Variants in GRIP1 observed in about 807,000 individuals in gnomAD.
GRIP1 encodes the protein glutamate receptor interacting protein 1, also known as glutamate receptor-interacting protein 1.
In GRIP1, 45 loss-of-function variants were observed where a neutral mutation model predicts 129.9. That is an observed-to-expected ratio of 0.35 (90% CI 0.27 to 0.44). The LOEUF is 0.44. GRIP1 is among the 20% of genes least tolerant of loss of function. The probability of loss-of-function intolerance (pLI) is 1.00; values close to 1 mark genes in which losing one functional copy is unlikely to be tolerated. For synonymous variants in GRIP1, 530 were observed against 520.8 expected (o/e 1.02, Z -0.24); for missense variants, 1,196 against 1,396.8 (o/e 0.86, Z 2.29).
At chr12:66,743,926 CAAAA>C (rs1342825426) in intron 1 of GRIP1, among the ~76,000 whole-genome samples, 1 of 152,120 alleles carries the variant, frequency 6.6e-6, no homozygotes, top group Non-Finnish European at 1.5e-5. Flanking sequence ...ACCTTCCACT[CAAAA>C]ATACAGATCC....
intron 1 of GRIP1, among the ~76,000 whole-genome samples, chr12:66,994,321 C>T (rs1015559798): frequency 5.3e-5 from 8 of 151,226 alleles, no homozygotes; most frequent in South Asian, 2.1e-4. Context: ...ATCATAGAAA[C>T]GCAAAGTTGA....
At chr12:66,738,581 G>T (rs2036686873) in intron 1 of GRIP1, among the ~76,000 whole-genome samples, 3 of 152,148 alleles carry the variant, frequency 2.0e-5, no homozygotes, top group African/African-American at 2.4e-5. Flanking sequence ...TTTCAAGCAG[G>T]AAAAAGAGGT....
chr12:66,512,006 C>G (rs543228058), intron 7 of GRIP1, among the ~76,000 whole-genome samples: 1 of 152,200 alleles, frequency 6.6e-6, no homozygotes, highest in Non-Finnish European at 1.5e-5. Context: ...TGAGTTCTCA[C>G]AAGATCTGAT....
At chr12:66,503,846 A>G (rs1403616173) in intron 7 of GRIP1, among the ~76,000 whole-genome samples, 2 of 152,154 alleles carry the variant, frequency 1.3e-5, no homozygotes, top group African/African-American at 2.4e-5. Flanking sequence ...TTCCTCCCAA[A>G]TATCTGTTCT....
chr12:66,751,363 G>T (rs2037121723), intron 1 of GRIP1, among the ~76,000 whole-genome samples: 1 of 152,130 alleles, frequency 6.6e-6, no homozygotes, highest in Non-Finnish European at 1.5e-5. Context: ...TCAAAGTACA[G>T]GCAGAAAAGG....
intron 13 of GRIP1, among the ~76,000 whole-genome samples, chr12:66,437,077 T>C (rs1342114625): frequency 1.3e-5 from 2 of 151,478 alleles, no homozygotes; most frequent in African/African-American, 2.4e-5. Flanking sequence ...ATTTATAAAA[T>C]AGAGGAATTT....
chr12:66,871,513 G>A (rs1196780921), intron 1 of GRIP1, among the ~76,000 whole-genome samples: 1 of 152,068 alleles, frequency 6.6e-6, no homozygotes, highest in Non-Finnish European at 1.5e-5. Flanking sequence ...ATAGGGATGT[G>A]TAAGATTATA....
chr12:66,361,885 TG>T (rs34829723), intron 23 of GRIP1, among the ~76,000 whole-genome samples: 1 of 152,074 alleles, frequency 6.6e-6, no homozygotes, highest in Non-Finnish European at 1.5e-5. Flanking sequence ...CAGCTCTGGG[TG>T]GGTGGCACAC....
At position 66,660,498 on chromosome 12, in the gene GRIP1, T is replaced by C. The variant is rs141762040; in HGVS notation, c.55+18352A>G. 9.2e-5 allele frequency among the ~76,000 whole-genome samples: 14 copies of C among 152,252 alleles called. No homozygotes were observed. In the East Asian group the frequency reaches 2.5e-3, roughly 27 times the overall value. On this transcript the variant is annotated intron_variant, in intron 1 of 24. Transcript: ENST00000359742. ...TAATAACAAAGTATCAATTAGTTAT[T>C]ATTAATCAAGGTCTGTTAAACAAGA...
At chr12:66,365,078 CTTTGTACTCCA>C (rs957604269) in intron 23 of GRIP1, among the ~76,000 whole-genome samples, 10 of 152,120 alleles carry the variant, frequency 6.6e-5, no homozygotes, top group African/African-American at 2.2e-4. Context: ...CAAGATATCC[CTTTGTACTCCA>C]TAGATGTATA....
intron 1 of GRIP1, among the ~76,000 whole-genome samples, chr12:66,990,697 A>T (rs191904449): frequency 3.7e-4 from 56 of 152,328 alleles, no homozygotes; most frequent in African/African-American, 1.3e-3. Flanking sequence ...AGGTCTGCTT[A>T]AAGGACAAAC....
Position 66,797,944 on chromosome 12 carries a change from G to A in GRIP1, c.-420+6109C>T, listed in dbSNP as rs148922025. 5.1e-3 allele frequency among the ~76,000 whole-genome samples: 769 copies of A among 152,198 alleles called. 5 individuals carry two copies. The highest frequency in any genetic ancestry group is 0.017 in the Middle Eastern group (5 of 294). On this transcript the variant is annotated intron_variant, in intron 1 of 4. Coordinates refer to the GRIP1 transcript ENST00000538373. ...CAGACAAATCACTAAAGACTAAAACGTGGTAGTTTTCTATAATTGTAACCC... is the reference window on the plus strand; with the variant it reads ...CAGACAAATCACTAAAGACTAAAACATGGTAGTTTTCTATAATTGTAACCC...
At chr12:66,937,379 A>T (rs1039856038) in intron 1 of GRIP1, among the ~76,000 whole-genome samples, 3 of 152,224 alleles carry the variant, frequency 2.0e-5, no homozygotes, top group African/African-American at 7.2e-5. Context: ...CATGAGAGCA[A>T]GGGTCTGTGT....
At chr12:66,355,064 C>T (rs2054415085) in intron 23 of GRIP1, among the ~76,000 whole-genome samples, 1 of 152,204 alleles carries the variant, frequency 6.6e-6, no homozygotes, top group South Asian at 2.1e-4. Context: ...ATGCACCTCT[C>T]GGCCTCACCA....
At chr12:66,871,454 A>G (rs1419379121) in intron 1 of GRIP1, among the ~76,000 whole-genome samples, 1 of 152,104 alleles carries the variant, frequency 6.6e-6, no homozygotes, top group African/African-American at 2.4e-5. Context: ...TTTTATGGGC[A>G]GTTTGTGCCT....
intron 1 of GRIP1, among the ~76,000 whole-genome samples, chr12:66,827,387 T>TGTGTGTGTGTGTGAGAGAGAGAGAGA (rs755458052): frequency 5.8e-4 from 63 of 108,292 alleles, no homozygotes; most frequent in East Asian, 2.9e-3. Context: ...TGTGTGTGTG[T>TGTGTGTGTGTGTGAGAGAGAGAGAGA]GAGAGAGAGA....
intron 2 of GRIP1, among the ~76,000 whole-genome samples, chr12:66,547,163 A>G (rs527496504): frequency 6.6e-6 from 1 of 152,312 alleles, no homozygotes; most frequent in African/African-American, 2.4e-5. Flanking sequence ...ACACGAAAAA[A>G]TGCTCAACAT....
chr12:66,444,492 C>T (rs1158960467), intron 13 of GRIP1, 92 bp downstream of exon 13: 1 of 665,244 alleles, frequency 1.5e-6, no homozygotes, highest in Admixed American at 3.1e-5. Flanking sequence ...GACTCCGTCT[C>T]AAAAAAAAAA....
intron 14 of GRIP1, among the ~76,000 whole-genome samples, chr12:66,430,514 A>C (rs1180290768): frequency 6.6e-6 from 1 of 152,212 alleles, no homozygotes; most frequent in Non-Finnish European, 1.5e-5. Context: ...TAAAACACTC[A>C]TGCAAAACAA....
Sources: allele counts gnomAD v4.1 joint callset (sites outside exome capture counted in the v4.1 genomes callset), GRCh38; gene constraint gnomAD v4.1.1; transcripts MANE v1.5; gene names NCBI Gene and HGNC (gene_info 2026-07-23, HGNC 2026-07-21).